The following HMGB1 variants were observed in gnomAD, a reference collection of about 807,000 sequenced individuals.
The protein encoded by HMGB1 is high mobility group box 1.
For missense variants in HMGB1, 79 were observed against 253.5 expected (o/e 0.31, Z 4.67); for synonymous variants, 81 against 84.0 (o/e 0.96, Z 0.19).
At chr13:30,615,305 T>C (rs1482821578) in intron 1 of HMGB1, among the ~76,000 whole-genome samples, 2 of 152,172 alleles carry the variant, frequency 1.3e-5, no homozygotes, top group Non-Finnish European at 2.9e-5. Flanking sequence ...AAAATATGAA[T>C]ACAGGTTTAC....
intron 1 of HMGB1, among the ~76,000 whole-genome samples, chr13:30,497,683 C>T (rs1041753776): frequency 1.3e-5 from 2 of 152,148 alleles, no homozygotes; most frequent in African/African-American, 4.8e-5. Context: ...TTAGCTCCCA[C>T]TTATAGATGG....
chr13:30,586,199 C>T (rs1016947988), intron 1 of HMGB1, among the ~76,000 whole-genome samples: 4 of 152,178 alleles, frequency 2.6e-5, no homozygotes, highest in Admixed American at 2.0e-4. Context: ...GGACTACAGG[C>T]ATGCACAGCT....
intron 1 of HMGB1, among the ~76,000 whole-genome samples, chr13:30,509,134 C>T (rs1046003735): frequency 1.1e-4 from 16 of 152,122 alleles, no homozygotes; most frequent in African/African-American, 3.9e-4. Flanking sequence ...ATGGGGGTCT[C>T]ACCATTTTGC....
intron 1 of HMGB1, among the ~76,000 whole-genome samples, chr13:30,538,658 TCTTTC>T (rs1468585169): frequency 1.5e-5 from 1 of 64,848 alleles, no homozygotes; most frequent in African/African-American, 6.9e-5. Context: ...TTTCTTTCTT[TCTTTC>T]CTTTCTTTCT....
At chr13:30,578,575 T>C (rs1335022023) in intron 1 of HMGB1, among the ~76,000 whole-genome samples, 1 of 152,004 alleles carries the variant, frequency 6.6e-6, no homozygotes, top group East Asian at 1.9e-4. Flanking sequence ...ATCTCTCTTT[T>C]CTTCACACCA....
chr13:30,461,766 A>C, intron 4 of HMGB1: 1 of 1,022,962 alleles, frequency 9.8e-7, no homozygotes, highest in Middle Eastern at 2.1e-4. Context: ...TAATATTTGC[A>C]AAGTTATGCC....
rs116712455 is a variant in HMGB1, at chr13:30,603,130, T to C, written c.-15+13541A>G. ...TTATATTTTGTTTTAAATTTTCCTC[T>C]GTATTTTTCTCTCTGGCAAATTGTT... On this transcript the variant is annotated intron_variant, in intron 1 of 4. Transcript: ENST00000405805. Among the ~76,000 whole-genome samples, 422 of 152,340 alleles carry C rather than the reference T, an allele frequency of 2.8e-3. 1 individual carries two copies. Among genetic ancestry groups the C allele is most frequent in the African/African-American group, 9.9e-3 (411 of 41,582 alleles).
At chr13:30,562,393 T>C (rs916335733) in intron 1 of HMGB1, among the ~76,000 whole-genome samples, 2 of 151,968 alleles carry the variant, frequency 1.3e-5, no homozygotes, top group African/African-American at 2.4e-5. Flanking sequence ...TAAAATTATA[T>C]AGAACCACTA....
chr13:30,531,483 G>A (rs573336584), intron 1 of HMGB1, among the ~76,000 whole-genome samples: 12 of 149,878 alleles, frequency 8.0e-5, no homozygotes, highest in South Asian at 2.1e-4. Flanking sequence ...CTAACTACTC[G>A]GAACTGCTAT....
intron 1 of HMGB1, among the ~76,000 whole-genome samples, chr13:30,475,132 CTCTCTCTTTTT>C (rs1887056640): frequency 2.1e-5 from 1 of 47,722 alleles, no homozygotes; most frequent in Non-Finnish European, 4.0e-5. Flanking sequence ...CTCTCTCTCT[CTCTCTCTTTTT>C]TTTTTTTTTT....
chr13:30,615,198 T>C (rs1034069289), intron 1 of HMGB1, among the ~76,000 whole-genome samples: 64 of 152,308 alleles, frequency 4.2e-4, no homozygotes, highest in African/African-American at 1.5e-3. Context: ...ATACACGTAT[T>C]TTTTTCTATC....
At chr13:30,476,145 A>C (rs1887092262) in intron 1 of HMGB1, among the ~76,000 whole-genome samples, 2 of 134,286 alleles carry the variant, frequency 1.5e-5, no homozygotes, top group Admixed American at 7.8e-5. Context: ...TTTTTGAGAC[A>C]CAGGTAGCAT....
intron 1 of HMGB1, among the ~76,000 whole-genome samples, chr13:30,580,897 C>T (rs1303793963): frequency 6.6e-6 from 1 of 152,182 alleles, no homozygotes; most frequent in Non-Finnish European, 1.5e-5. Flanking sequence ...AGAATTGAGA[C>T]ACCCTTTCCT....
At chr13:30,466,275 C>CA (rs1307369762), upstream of HMGB1, among the ~76,000 whole-genome samples, 6 of 144,618 alleles carry the variant, frequency 4.1e-5, no homozygotes, top group Admixed American at 1.4e-4. Flanking sequence ...ACTCCTCAGG[C>CA]AAAAGAGACA....
At chr13:30,514,352 CTT>C (rs60409517) in intron 1 of HMGB1, among the ~76,000 whole-genome samples, 390 of 130,432 alleles carry the variant, frequency 3.0e-3, no homozygotes, top group African/African-American at 9.4e-3. Context: ...CTAGTTCAAT[CTT>C]TTTTTTTTTT....
intron 1 of HMGB1, among the ~76,000 whole-genome samples, chr13:30,593,756 T>C (rs1325782877): frequency 6.6e-6 from 1 of 152,010 alleles, no homozygotes; most frequent in Non-Finnish European, 1.5e-5. Flanking sequence ...CCGAGTCTAA[T>C]CATAAAAAAA....
intron 1 of HMGB1, among the ~76,000 whole-genome samples, chr13:30,558,604 G>C (rs1869793179): frequency 6.6e-6 from 1 of 152,130 alleles, no homozygotes; most frequent in South Asian, 2.1e-4. Context: ...CTAGTTGTTA[G>C]TGAAACACCA....
chr13:30,463,510 G>T, intron 2 of HMGB1, 21 bp downstream of exon 2: 1 of 1,597,276 alleles, frequency 6.3e-7, no homozygotes, highest in Non-Finnish European at 8.5e-7. Flanking sequence ...TACCTTGTTA[G>T]CATGTTTTAA....
chr13:30,474,959 G>GTTTTTTTTTTT (rs776923842), intron 1 of HMGB1, among the ~76,000 whole-genome samples: 1 of 64,032 alleles, frequency 1.6e-5, no homozygotes, highest in Non-Finnish European at 2.6e-5. Flanking sequence ...TTCTTTTTTT[G>GTTTTTTTTTTT]TTTTTTTTTT....
Sources: allele counts gnomAD v4.1 joint callset (sites outside exome capture counted in the v4.1 genomes callset), GRCh38; gene constraint gnomAD v4.1.1; transcripts MANE v1.5; gene names NCBI Gene and HGNC (gene_info 2026-07-23, HGNC 2026-07-21).